SEC31A: variants seen among roughly 807,000 people sequenced by gnomAD.
SEC31A encodes the protein protein transport protein Sec31A.
A neutral mutation model predicts 151.0 loss-of-function variants in SEC31A; 70 were observed. That is an observed-to-expected ratio of 0.46 (90% CI 0.38 to 0.57). The LOEUF (loss-of-function observed/expected upper bound fraction) is 0.57. SEC31A is among the 20% of genes least tolerant of loss of function. SEC31A has a pLI of 0.00. For synonymous variants in SEC31A, 475 were observed against 505.9 expected (o/e 0.94, Z 0.82); for missense variants, 1,330 against 1,471.2 (o/e 0.90, Z 1.57).
rs1219047133 is a variant in SEC31A at position 82,844,503 on chromosome 4, T to C, written c.2509A>G (p.Asn837Asp). The C allele has an allele frequency of 1.9e-6, 3 of 1,613,606 alleles. No individual in the cohort carries two copies. Among genetic ancestry groups the C allele is most frequent in the Non-Finnish European group, 2.5e-6 (3 of 1,179,660 alleles). The change falls in exon 21 of 27, where the codon AAT becomes GAT. Residue 837 changes from asparagine to aspartate, a missense_variant. By Grantham distance (23) the Asn-to-Asp change is conservative. Transcript: ENST00000395310. ...QTQQYYPHGE[N>D]PPPPGFIMHG... ...ATTATGAAACCCGGAGGTGGAGGAT[T>C]TTCTCCCTAAGAAACAAGAACATGG...
At chr4:82,858,510 C>T (rs1733251353) in intron 14 of SEC31A, among the ~76,000 whole-genome samples, 1 of 128,958 alleles carries the variant, frequency 7.8e-6, no homozygotes, top group African/African-American at 2.9e-5. Flanking sequence ...CGCCACTGCA[C>T]TCCAGCCTGG....
intron 22 of SEC31A, among the ~76,000 whole-genome samples, chr4:82,831,946 A>T (rs1237236278): frequency 6.6e-6 from 1 of 152,200 alleles, no homozygotes; most frequent in Non-Finnish European, 1.5e-5. Flanking sequence ...ATGCTCATGG[A>T]TAGGAAGAAT....
At chr4:82,846,140 A>T (rs1730099888) in intron 20 of SEC31A, among the ~76,000 whole-genome samples, 1 of 151,878 alleles carries the variant, frequency 6.6e-6, no homozygotes. Context: ...AGTAGCTGGG[A>T]CTACAGGCGC....
Position 82,861,705 on chromosome 4 carries a change from G to C in SEC31A, c.1552C>G (p.Leu518Val), listed in dbSNP as rs781458733. ...TGTGCTACTTGGTCAGAGTCTTTAA[G>C]AGCCTTTGGTACACAAAACAATTAC... ...LNKVDGANVA[L>V]KDSDQVAQSD... Residue 518 changes from leucine (L) to valine (V), a missense_variant, in exon 14 of 27, where the codon CTT (leucine) becomes GTT (valine). Transcript: ENST00000395310. 1.9e-6 allele frequency: 3 copies of C among 1,605,594 alleles called. No homozygotes were observed. Among genetic ancestry groups the C allele is most frequent in the Non-Finnish European group, 2.6e-6 (3 of 1,173,746 alleles).
At chr4:82,858,415 G>A (rs1438510253) in intron 14 of SEC31A, among the ~76,000 whole-genome samples, 1 of 151,518 alleles carries the variant, frequency 6.6e-6, no homozygotes, top group East Asian at 2.0e-4. Flanking sequence ...GCAGTGGTGT[G>A]CACCTGTAGC....
chr4:82,893,353 G>A (rs1374844698), upstream of SEC31A: 1 of 152,218 alleles, frequency 6.6e-6, no homozygotes, highest in Admixed American at 6.5e-5. Context: ...ATAGGCATGA[G>A]CCTCCATGCC....
At chr4:82,871,131 A>G (rs1736560371) in intron 7 of SEC31A, among the ~76,000 whole-genome samples, 1 of 152,228 alleles carries the variant, frequency 6.6e-6, no homozygotes, top group Non-Finnish European at 1.5e-5. Context: ...GGCTGCAGTG[A>G]GCTATGGTGG....
chr4:82,883,988 CTT>C (rs11373334), intron 1 of SEC31A, among the ~76,000 whole-genome samples: 2 of 125,926 alleles, frequency 1.6e-5, no homozygotes, highest in Admixed American at 9.1e-5. Context: ...CTTTTCTATT[CTT>C]TTTTTTTTTT....
chr4:82,867,278 G>A lies in SEC31A; in HGVS notation c.921C>T (p.Phe307=), dbSNP rs574694541. The A allele has an allele frequency of 1.9e-5, 31 of 1,614,104 alleles. No homozygotes were observed. The highest frequency in any genetic ancestry group is 1.2e-4 in the Admixed American group (7 of 60,012). ...YELPTNTQWC[F]DIQWCPRNPA... ...GATTTCGGGGACACCACTGAATATC[G>A]AAGCACCACTGTGTGTTGGTGGGAA... The change falls in exon 9 of 27, where the codon TTC becomes TTT. Residue 307 remains phenylalanine, a synonymous_variant. Transcript: ENST00000395310.
At chr4:82,848,716 GAGA>G (rs2149324534) in intron 20 of SEC31A, 85 bp downstream of exon 20, 2 of 1,122,884 alleles carry the variant, frequency 1.8e-6, no homozygotes, top group East Asian at 2.5e-5. Context: ...TACCATATCA[GAGA>G]AGGTCTCCTG....
intron 14 of SEC31A, among the ~76,000 whole-genome samples, chr4:82,859,513 C>T (rs1291891048): frequency 6.6e-6 from 1 of 152,088 alleles, no homozygotes; most frequent in Admixed American, 6.6e-5. Context: ...ATGTTATCTA[C>T]ACATCTGAAT....
chr4:82,860,166 G>C (rs1000601186), intron 14 of SEC31A, among the ~76,000 whole-genome samples: 1 of 151,734 alleles, frequency 6.6e-6, no homozygotes, highest in African/African-American at 2.4e-5. Flanking sequence ...ATGGACTTCT[G>C]AACGAGATAT....
intron 10 of SEC31A, among the ~76,000 whole-genome samples, chr4:82,865,902 A>T (rs1403156798): frequency 8.5e-5 from 13 of 152,104 alleles, no homozygotes. Flanking sequence ...GTATATATTT[A>T]AAAATGGTTG....
chr4:82,842,567 A>C (rs184301014), intron 21 of SEC31A, 86 bp from the exon 22 acceptor site: 1 of 982,062 alleles, frequency 1.0e-6, no homozygotes, highest in African/African-American at 1.6e-5. Context: ...ATCTCAGTCT[A>C]TAGAAATGAT....
intron 1 of SEC31A, 124 bp downstream of exon 1, chr4:82,890,964 A>T (rs1446675699): frequency 1.4e-6 from 2 of 1,459,228 alleles, no homozygotes; most frequent in Non-Finnish European, 1.8e-6. Flanking sequence ...CGCCGTCACC[A>T]GAGACCGGGC....
chr4:82,842,265 G>A lies in SEC31A; in HGVS notation c.2843C>T (p.Ser948Phe), dbSNP rs1729091650. Residue 948 changes from serine (S) to phenylalanine (F), a missense_variant, in exon 22 of 27, where the codon TCC (serine) becomes TTC (phenylalanine). By Grantham distance (155) the Ser-to-Phe change is radical (BLOSUM62 -2). Transcript: ENST00000395310. Reference sequence around the variant, plus strand: ...GCCATGCTGGAAGGATGCTCCAGAGGAAGGGGGAGGAGGGAAAGAAGTAGC... The same window carrying A: ...GCCATGCTGGAAGGATGCTCCAGAGAAAGGGGGAGGAGGGAAAGAAGTAGC... ...SPATSFPPPP[S>F]SGASFQHGGP... 1 of 1,613,942 alleles carries A rather than the reference G, an allele frequency of 6.2e-7. No homozygotes were observed. The highest frequency in any genetic ancestry group is 8.5e-7 in the Non-Finnish European group (1 of 1,179,980).
intron 2 of SEC31A, among the ~76,000 whole-genome samples, chr4:82,881,403 T>C (rs1269270948): frequency 6.6e-6 from 1 of 151,696 alleles, no homozygotes; most frequent in Non-Finnish European, 1.5e-5. Flanking sequence ...AGGTGGAGCT[T>C]GCAGTGAGCA....
rs762259748 is a variant in SEC31A, at chr4:82,853,585, G to A, written c.2139C>T (p.His713=). The A allele has an allele frequency of 2.5e-6, 4 of 1,580,106 alleles. No individual in the cohort carries two copies. The highest frequency in any genetic ancestry group is 1.2e-5 in the South Asian group (1 of 84,250). The part of the protein sequence containing the change: ...ACWTKAQDGS[H]PLSLQDLIEK... Reference sequence around the variant, plus strand: ...AAGATACTACCTGAAGTGACAAAGGGTGGCTTCCATCTTGAGCTTTAGTCC... The same window carrying A: ...AAGATACTACCTGAAGTGACAAAGGATGGCTTCCATCTTGAGCTTTAGTCC... The change falls in exon 18 of 27, where the codon CAC becomes CAT. Residue 713 remains histidine (H), a synonymous_variant. Transcript: ENST00000395310.
At chr4:82,837,832 G>A (rs558700044) in intron 22 of SEC31A, among the ~76,000 whole-genome samples, 1 of 152,162 alleles carries the variant, frequency 6.6e-6, no homozygotes, top group East Asian at 1.9e-4. Context: ...ACCTTCTTAG[G>A]TACTCTTATA....
Sources: gnomAD v4.1 joint callset for allele counts (sites outside exome capture counted in the v4.1 genomes callset) on GRCh38, gnomAD v4.1.1 for gene constraint, MANE v1.5 for transcripts, NCBI Gene and HGNC (gene_info 2026-07-23, HGNC 2026-07-21) for gene names.